Variants in RHEB observed in about 807,000 individuals in gnomAD.
The protein encoded by RHEB is Ras homolog, mTORC1 binding, also known as GTP-binding protein Rheb.
A neutral mutation model predicts 28.8 loss-of-function variants in RHEB; 2 were observed. The observed-to-expected ratio is 0.07, with a 90% CI of 0.03 to 0.22. RHEB has a LOEUF of 0.22. Among genes scored for constraint, RHEB ranks in the 10% least tolerant of loss-of-function variants. The pLI is 1.00. For missense variants in RHEB, 76 were observed against 219.9 expected (o/e 0.35, Z 4.14); for synonymous variants, 69 against 77.3 (o/e 0.89, Z 0.56).
In RHEB at chr7:151,484,749, G is replaced by T; in HGVS notation, c.180C>A (p.Asp60Glu). ...NGQEYHLQLV[D>E]TAGQDEYSIF... ...AGAGGTCACTTACTTGCCCGGCTGTGTCTACAAGTTGAAGATGATATTCTT... is the reference window on the plus strand; with the variant it reads ...AGAGGTCACTTACTTGCCCGGCTGTTTCTACAAGTTGAAGATGATATTCTT... Residue 60 changes from aspartate (D) to glutamate (E), a missense_variant, in exon 3 of 8, where the codon GAC (aspartate) becomes GAA (glutamate). Asp to Glu is a conservative substitution (Grantham distance 45, BLOSUM62 2). Coordinates refer to ENST00000262187, the MANE Select transcript of RHEB (RefSeq NM_005614.4). 1 of 1,610,640 alleles carries T rather than the reference G, an allele frequency of 6.2e-7. No homozygotes were observed. Among genetic ancestry groups the T allele is most frequent in the Non-Finnish European group, 8.5e-7 (1 of 1,176,854 alleles).
intron 3 of RHEB, among the ~76,000 whole-genome samples, chr7:151,481,078 A>C (rs531307921): frequency 6.6e-6 from 1 of 152,214 alleles, no homozygotes; most frequent in East Asian, 1.9e-4. Flanking sequence ...CACAAGCTTA[A>C]CGTTCCAATA....
At chr7:151,504,461 C>T (rs1027835495) in intron 1 of RHEB, among the ~76,000 whole-genome samples, 13 of 152,220 alleles carry the variant, frequency 8.5e-5, no homozygotes, top group African/African-American at 2.9e-4. Context: ...AAAGTCGGCC[C>T]TCCATACATG....
intron 1 of RHEB, among the ~76,000 whole-genome samples, chr7:151,517,705 A>G (rs1803106461): frequency 6.6e-6 from 1 of 152,018 alleles, no homozygotes; most frequent in African/African-American, 2.4e-5. Flanking sequence ...AAAAAAAAAA[A>G]AAAGTGATAA....
At chr7:151,519,287 C>T in intron 1 of RHEB, 173 bp downstream of exon 1, 2 of 342,092 alleles carry the variant, frequency 5.8e-6, no homozygotes, top group Non-Finnish European at 9.4e-6. Flanking sequence ...CCGGCGCGGA[C>T]GCCGCCCCGA....
At chr7:151,513,206 T>G (rs1160299909) in intron 1 of RHEB, among the ~76,000 whole-genome samples, 1 of 152,212 alleles carries the variant, frequency 6.6e-6, no homozygotes, top group Non-Finnish European at 1.5e-5. Context: ...ACTTGTGCAG[T>G]CATTTGAGAA....
chr7:151,492,994 C>G (rs1189947366), intron 1 of RHEB, among the ~76,000 whole-genome samples: 1 of 152,004 alleles, frequency 6.6e-6, no homozygotes, highest in Non-Finnish European at 1.5e-5. Context: ...CACGCGCCAC[C>G]ACACCTGACT....
chr7:151,479,526 C>T (rs1329582289), intron 3 of RHEB, among the ~76,000 whole-genome samples: 1 of 151,646 alleles, frequency 6.6e-6, no homozygotes, highest in Non-Finnish European at 1.5e-5. Context: ...ACTCAAAATA[C>T]AAAAAAACTA....
intron 3 of RHEB, among the ~76,000 whole-genome samples, chr7:151,478,392 A>G (rs1036205054): frequency 6.6e-6 from 1 of 151,590 alleles, no homozygotes; most frequent in Non-Finnish European, 1.5e-5. Context: ...TTAAAGAAAA[A>G]AAAAAAAAGA....
chr7:151,506,701 T>C (rs1802886513), intron 1 of RHEB, among the ~76,000 whole-genome samples: 1 of 152,048 alleles, frequency 6.6e-6, no homozygotes, highest in South Asian at 2.1e-4. Flanking sequence ...ACAAGCAAAA[T>C]AACAAACATA....
chr7:151,503,238 C>T (rs901666471), intron 1 of RHEB: 15 of 782,798 alleles, frequency 1.9e-5, no homozygotes, highest in Non-Finnish European at 3.1e-5. Context: ...ACAAAGAGAC[C>T]GGACAGGAAC....
At chr7:151,479,657 T>C (rs1309160977) in intron 3 of RHEB, among the ~76,000 whole-genome samples, 5 of 133,144 alleles carry the variant, frequency 3.8e-5, no homozygotes, top group African/African-American at 8.8e-5. Context: ...CACTCCAGCC[T>C]GGGCGATAGA....
At chr7:151,477,505 A>G (rs1478284347) in intron 3 of RHEB, 90 bp from the exon 4 acceptor site, 2 of 728,064 alleles carry the variant, frequency 2.7e-6, no homozygotes, top group African/African-American at 3.6e-5. Flanking sequence ...ACCTGAAGAA[A>G]TCAAAGTAGA....
rs186683288 is a variant in RHEB at position 151,505,250 on chromosome 7, A to T, written c.52+14210T>A. Among the ~76,000 whole-genome samples the T allele has an allele frequency of 2.0e-4, 31 of 152,340 alleles. 1 individual carries two copies. Among genetic ancestry groups the T allele is most frequent in the Admixed American group, 1.8e-3 (27 of 15,302 alleles). On this transcript the variant is annotated intron_variant, in intron 1 of 7. Transcript: ENST00000262187. ...TTCTCTGAAACACAGGAACAACAAA[A>T]AAGTCACACTAGGAGAAAATATTCA...
chr7:151,500,148 C>T (rs549327950), intron 1 of RHEB, among the ~76,000 whole-genome samples: 3 of 152,202 alleles, frequency 2.0e-5, no homozygotes, highest in South Asian at 4.1e-4. Context: ...CTTTCAAAAG[C>T]CACTAAGGGT....
intron 2 of RHEB, among the ~76,000 whole-genome samples, chr7:151,486,167 G>A (rs1348189485): frequency 6.6e-6 from 1 of 152,182 alleles, no homozygotes; most frequent in Non-Finnish European, 1.5e-5. Context: ...CTTCAGTCAC[G>A]TGAGATTGAA....
chr7:151,467,859 C>G (rs1394004133), intron 7 of RHEB, among the ~76,000 whole-genome samples: 1 of 152,178 alleles, frequency 6.6e-6, no homozygotes, highest in East Asian at 1.9e-4. Flanking sequence ...AGCAGGAACT[C>G]TTCCTACACT....
At chr7:151,476,396 G>A (rs1802273483) in intron 4 of RHEB, among the ~76,000 whole-genome samples, 1 of 152,216 alleles carries the variant, frequency 6.6e-6, no homozygotes, top group South Asian at 2.1e-4. Flanking sequence ...GCAGCACAGA[G>A]AGCAAACACT....
At chr7:151,485,858 G>A (rs555688358) in intron 2 of RHEB, among the ~76,000 whole-genome samples, 53 of 152,258 alleles carry the variant, frequency 3.5e-4, no homozygotes, top group African/African-American at 1.3e-3. Context: ...AAGCAGGGGG[G>A]CCAAAAGTCA....
intron 3 of RHEB, among the ~76,000 whole-genome samples, chr7:151,479,305 CAT>C (rs750324309): frequency 2.0e-5 from 3 of 152,114 alleles, no homozygotes; most frequent in Non-Finnish European, 4.4e-5. Flanking sequence ...TTGGCAAAAA[CAT>C]ATTCCAGAGG....
Sources: gnomAD v4.1 joint callset for allele counts (sites outside exome capture counted in the v4.1 genomes callset) on GRCh38, gnomAD v4.1.1 for gene constraint, MANE v1.5 for transcripts, NCBI Gene and HGNC (gene_info 2026-07-23, HGNC 2026-07-21) for gene names.